Variants in CPO observed in about 807,000 individuals in gnomAD.
CPO encodes the protein carboxypeptidase O.
A neutral mutation model predicts 41.2 loss-of-function variants in CPO; 43 were observed. The ratio of observed to expected loss-of-function variants is 1.04; its 90% confidence interval spans 0.82 to 1.35. CPO has a LOEUF of 1.35. CPO is among the 40% of genes most tolerant of loss of function. The pLI, the probability that CPO is intolerant of heterozygous loss-of-function variation, is 0.00. For missense variants in CPO, 408 were observed against 451.7 expected, an observed-to-expected ratio of 0.90 and a Z score of 0.88; for synonymous variants, 178 against 162.7, an observed-to-expected ratio of 1.09 and a Z score of -0.72.
Position 206,939,683 on chromosome 2 carries a change from G to A in CPO, c.68+16G>A. 3.1e-6 allele frequency: 5 copies of A among 1,599,526 alleles called. No homozygotes were observed. Among genetic ancestry groups the A allele is most frequent in the Non-Finnish European group, 4.3e-6 (5 of 1,167,864 alleles). On this transcript the variant is annotated intron_variant, in intron 1 of 8. Coordinates refer to ENST00000272852, the MANE Select transcript of CPO (RefSeq NM_173077.3). ...GATATGATAGGTGAGTGTAAAGTGGGAAGAGGAACTGATTATTATAATTTA... is the reference window on the plus strand; with the variant it reads ...GATATGATAGGTGAGTGTAAAGTGGAAAGAGGAACTGATTATTATAATTTA...
chr2:206,947,261 A>C (rs2105819889), intron 1 of CPO, among the ~76,000 whole-genome samples: 1 of 152,318 alleles, frequency 6.6e-6, no homozygotes, highest in East Asian at 1.9e-4. Flanking sequence ...TCCCATAAAT[A>C]AACCTACATA....
intron 1 of CPO, among the ~76,000 whole-genome samples, chr2:206,944,777 G>C (rs1307629805): frequency 6.6e-6 from 1 of 151,958 alleles, no homozygotes; most frequent in East Asian, 1.9e-4. Context: ...TAGTGGAATT[G>C]TCTGGAGAAA....
intron 1 of CPO, among the ~76,000 whole-genome samples, chr2:206,945,134 T>C (rs1693119770): frequency 6.6e-6 from 1 of 152,168 alleles, no homozygotes; most frequent in Non-Finnish European, 1.5e-5. Context: ...GTACTATTAT[T>C]ATTCCCATTT....
intron 1 of CPO, among the ~76,000 whole-genome samples, chr2:206,946,570 C>G (rs182712229): frequency 6.6e-6 from 1 of 152,208 alleles, no homozygotes; most frequent in East Asian, 1.9e-4. Flanking sequence ...TGTTCCCTCT[C>G]AGCACTCTTT....
At chr2:206,963,614 G>T (rs1218529754) in intron 7 of CPO, among the ~76,000 whole-genome samples, 3 of 152,088 alleles carry the variant, frequency 2.0e-5, no homozygotes, top group African/African-American at 7.2e-5. Flanking sequence ...TTTTATGACT[G>T]GCTTTCACTA....
At chr2:206,950,737 A>G (rs1693245261) in intron 2 of CPO, among the ~76,000 whole-genome samples, 1 of 152,220 alleles carries the variant, frequency 6.6e-6, no homozygotes. Flanking sequence ...ATGGAATACT[A>G]TGCAGCCATA....
At chr2:206,940,228 T>C (rs1398547201) in intron 1 of CPO, among the ~76,000 whole-genome samples, 1 of 152,146 alleles carries the variant, frequency 6.6e-6, no homozygotes, top group African/African-American at 2.4e-5. Context: ...CTTTTTCATT[T>C]TTACAAATAA....
At chr2:206,939,714 T>C in intron 1 of CPO, 47 bp downstream of exon 1, 2 of 1,535,392 alleles carry the variant, frequency 1.3e-6, no homozygotes, top group Non-Finnish European at 1.8e-6. Flanking sequence ...ATTTAGATTG[T>C]CTAAATTGAA....
Position 206,955,550 on chromosome 2 carries a change from A to T in CPO, c.253A>T (p.Met85Leu). The change falls in exon 3 of 9, where the codon ATG (methionine) becomes TTG (leucine). Residue 85 changes from methionine to leucine, a missense_variant. By Grantham distance (15) the Met-to-Leu change is conservative (BLOSUM62 2). Transcript: ENST00000272852. ...AGGAGTGACCTATGAGACCCACCCC[A>T]TGTATTATCTGAAGGTGAGTGAGAA... is the stretch of plus-strand genomic sequence containing the variant. ...FLGVTYETHP[M>L]YYLKISQPSG... 6.3e-7 allele frequency: 1 copy of T among 1,574,850 alleles called. No homozygotes were observed. Among genetic ancestry groups the T allele is most frequent in the Non-Finnish European group, 8.7e-7 (1 of 1,143,876 alleles).
At chr2:206,946,384 T>C (rs1345971990) in intron 1 of CPO, among the ~76,000 whole-genome samples, 1 of 152,088 alleles carries the variant, frequency 6.6e-6, no homozygotes, top group Non-Finnish European at 1.5e-5. Flanking sequence ...AAACATAACA[T>C]GATTATATAA....
intron 7 of CPO, among the ~76,000 whole-genome samples, chr2:206,966,766 G>A (rs1693582990): frequency 6.6e-6 from 1 of 152,200 alleles, no homozygotes. Context: ...GTTTGACAGA[G>A]TGTTTTTCCT....
intron 1 of CPO, among the ~76,000 whole-genome samples, 166 bp downstream of exon 1, chr2:206,939,833 AT>A (rs1692996896): frequency 6.6e-6 from 1 of 152,160 alleles, no homozygotes; most frequent in East Asian, 1.9e-4. Context: ...CTGAATAATC[AT>A]AATCCTCTAA....
chr2:206,943,162 C>T (rs1693060422), intron 1 of CPO, among the ~76,000 whole-genome samples: 1 of 152,126 alleles, frequency 6.6e-6, no homozygotes, highest in South Asian at 2.1e-4. Flanking sequence ...TTAGTGTACT[C>T]CCTTTCCTAG....
chr2:206,963,108 A>G lies in CPO; in HGVS notation c.777+494A>G, dbSNP rs1051696622. On this transcript the variant is annotated intron_variant, in intron 7 of 8. Coordinates refer to ENST00000272852, the MANE Select transcript of CPO (RefSeq NM_173077.3). ...CTTCCTTCAGTATTTGCCTAGGATT[A>G]TTTGTAAGGGGAAGTGCCAGCGAAA... 9.2e-5 allele frequency among the ~76,000 whole-genome samples: 14 copies of G among 152,124 alleles called. 1 individual carries two copies. Among genetic ancestry groups the G allele is most frequent in the Non-Finnish European group, 2.9e-5 (2 of 68,030 alleles).
chr2:206,944,578 C>T (rs1368202728), intron 1 of CPO, among the ~76,000 whole-genome samples: 1 of 151,850 alleles, frequency 6.6e-6, no homozygotes, highest in Non-Finnish European at 1.5e-5. Flanking sequence ...ATTGTTTTAA[C>T]CAATTATTTG....
rs1693465098 is a variant in CPO at position 206,960,865 on chromosome 2, G to A, written c.497G>A (p.Arg166Lys). Residue 166 changes from arginine to lysine, a missense_variant, in exon 6 of 9, where the codon AGG becomes AAG. Transcript: ENST00000272852. ...CCTCTGCTACAGGATCGTCTTTGGA[G>A]GAAATCCCGTTCACCCCATAATAAT... Reference protein sequence around the residue: ...IYTWTTDRLWRKSRSPHNNGT... With the variant: ...IYTWTTDRLWKKSRSPHNNGT... 1 of 1,613,000 alleles carries A rather than the reference G, an allele frequency of 6.2e-7. No individual in the cohort carries two copies. The highest frequency in any genetic ancestry group is 1.3e-5 in the African/African-American group (1 of 74,890).
intron 7 of CPO, among the ~76,000 whole-genome samples, chr2:206,966,258 G>A (rs1693574202): frequency 6.6e-6 from 1 of 150,940 alleles, no homozygotes; most frequent in African/African-American, 2.4e-5. Flanking sequence ...AAAAAGCAAG[G>A]AACCACTGGG....
At chr2:206,958,064 A>G (rs1693404760) in intron 3 of CPO, among the ~76,000 whole-genome samples, 2 of 152,186 alleles carry the variant, frequency 1.3e-5, no homozygotes, top group South Asian at 2.1e-4. Flanking sequence ...GGTGGGTACT[A>G]TGGGGAGCCA....
In CPO at chr2:206,959,753, A is replaced by G. The variant is rs112277057; in HGVS notation, c.483+12A>G. The G allele has an allele frequency of 1.3e-5, 15 of 1,190,108 alleles. No individual in the cohort carries two copies. The highest frequency in any genetic ancestry group is 9.0e-5 in the African/African-American group (6 of 66,488). The allele number at this position is 1,190,108 out of a possible 1,614,324, so 73.7% of individuals were successfully genotyped here. A position where few individuals can be genotyped will look rare whatever the true frequency, so the allele number is the denominator to read the frequency against. On this transcript the variant is annotated intron_variant, in intron 5 of 8. Coordinates refer to ENST00000272852, the MANE Select transcript of CPO (RefSeq NM_173077.3). Reference sequence around the variant, plus strand: ...ACACTTGGACAACTGTGAGTACACCATGTTTGGTCCTGGGATGAGTTCATG... The same window carrying G: ...ACACTTGGACAACTGTGAGTACACCGTGTTTGGTCCTGGGATGAGTTCATG...
Sources: allele counts gnomAD v4.1 joint callset (sites outside exome capture counted in the v4.1 genomes callset), GRCh38; gene constraint gnomAD v4.1.1; transcripts MANE v1.5; gene names NCBI Gene and HGNC (gene_info 2026-07-23, HGNC 2026-07-21).